ZNF804A: variants seen among roughly 807,000 people sequenced by gnomAD.
ZNF804A encodes zinc finger protein 804A.
Under a neutral mutation model 16.5 loss-of-function variants are expected in ZNF804A, and 2 were observed. The observed-to-expected ratio is 0.12, with a 90% CI of 0.05 to 0.38. The LOEUF (loss-of-function observed/expected upper bound fraction) is 0.38, where lower values mean the gene tolerates loss of function less well. Among genes scored for constraint, ZNF804A ranks in the 10% least tolerant of loss-of-function variants. The pLI, the probability that ZNF804A is intolerant of heterozygous loss-of-function variation, is 0.99. For synonymous variants in ZNF804A, 534 were observed against 489.6 expected, an observed-to-expected ratio of 1.09 and a Z score of -1.20; for missense variants, 1,473 against 1,390.7, an observed-to-expected ratio of 1.06 and a Z score of -0.94.
chr2:184,932,387 G>T (rs1685716262), intron 2 of ZNF804A, among the ~76,000 whole-genome samples: 1 of 152,170 alleles, frequency 6.6e-6, no homozygotes, highest in Non-Finnish European at 1.5e-5. Context: ...TTGGTGGAAG[G>T]CAAAGGAGGA....
intron 1 of ZNF804A, among the ~76,000 whole-genome samples, chr2:184,724,877 T>A (rs1414009055): frequency 2.6e-5 from 4 of 151,710 alleles, no homozygotes; most frequent in Non-Finnish European, 5.9e-5. Context: ...GTGGAAAGGC[T>A]TAGTTAGAGA....
At chr2:184,757,934 A>G (rs1559142993) in intron 1 of ZNF804A, among the ~76,000 whole-genome samples, 1 of 151,994 alleles carries the variant, frequency 6.6e-6, no homozygotes, top group Non-Finnish European at 1.5e-5. Context: ...AAATAGAAAA[A>G]CTTGAGAAAC....
In ZNF804A at chr2:184,897,161, T is replaced by C. The variant is rs146363335; in HGVS notation, c.255+30649T>C. On this transcript the variant is annotated intron_variant, in intron 2 of 3. Transcript: ENST00000302277. ...ACTGGGATTTGCTTAATGATTCTTATGATTAAAATGGGCTATGTTTTGGGG... is the reference window on the plus strand; with the variant it reads ...ACTGGGATTTGCTTAATGATTCTTACGATTAAAATGGGCTATGTTTTGGGG... Among the ~76,000 whole-genome samples, 295 of 152,250 alleles carry C rather than the reference T, an allele frequency of 1.9e-3. 1 individual carries two copies. Among genetic ancestry groups the C allele is most frequent in the African/African-American group, 6.8e-3 (281 of 41,578 alleles).
chr2:184,770,673 A>G (rs1053387915), intron 1 of ZNF804A, among the ~76,000 whole-genome samples: 4 of 152,084 alleles, frequency 2.6e-5, no homozygotes, highest in Non-Finnish European at 5.9e-5. Flanking sequence ...GTAAGATGAC[A>G]TGAAAAATGT....
At chr2:184,823,390 C>T (rs907946223) in intron 1 of ZNF804A, among the ~76,000 whole-genome samples, 1 of 152,050 alleles carries the variant, frequency 6.6e-6, no homozygotes, top group Non-Finnish European at 1.5e-5. Flanking sequence ...ACATTCAAAC[C>T]ATAGCGATCA....
chr2:184,850,282 C>G (rs1695582960), intron 1 of ZNF804A, among the ~76,000 whole-genome samples: 1 of 151,726 alleles, frequency 6.6e-6, no homozygotes, highest in African/African-American at 2.4e-5. Context: ...CTCCAATGAC[C>G]CTGATGTGTT....
chr2:184,829,850 C>A (rs1401604697), intron 1 of ZNF804A, among the ~76,000 whole-genome samples: 4 of 141,950 alleles, frequency 2.8e-5, no homozygotes. Context: ...TTGCTTGAAC[C>A]CAGGAGTTCG....
intron 1 of ZNF804A, among the ~76,000 whole-genome samples, chr2:184,662,694 T>A (rs983701453): frequency 6.6e-6 from 1 of 152,200 alleles, no homozygotes; most frequent in Non-Finnish European, 1.5e-5. Context: ...AGTAAAATAA[T>A]AATTGTACCT....
rs117828782 is a variant in ZNF804A at position 184,892,027 on chromosome 2, A to G, written c.255+25515A>G. ...TTACAAGGAGAAAAACAAAAGACCTATTTGACAGTTTACTACTGAATTCTT... is the reference window on the plus strand; with the variant it reads ...TTACAAGGAGAAAAACAAAAGACCTGTTTGACAGTTTACTACTGAATTCTT... On this transcript the variant is annotated intron_variant, in intron 2 of 3. Coordinates refer to ENST00000302277, the MANE Select transcript of ZNF804A (RefSeq NM_194250.2). 4.2e-4 allele frequency among the ~76,000 whole-genome samples: 64 copies of G among 152,294 alleles called. No individual in the cohort carries two copies. The East Asian group carries it at 0.012, about 28-fold the overall frequency.
chr2:184,646,758 G>A (rs1691882235), intron 1 of ZNF804A, among the ~76,000 whole-genome samples: 1 of 152,226 alleles, frequency 6.6e-6, no homozygotes, highest in Non-Finnish European at 1.5e-5. Context: ...TTGAGGCCAT[G>A]GAGATTTCTC....
At chr2:184,924,318 T>C (rs1395301438) in intron 2 of ZNF804A, among the ~76,000 whole-genome samples, 3 of 151,870 alleles carry the variant, frequency 2.0e-5, no homozygotes, top group South Asian at 2.1e-4. Context: ...TAGGAATTTG[T>C]GCATTTCTTC....
chr2:184,651,131 A>G (rs1691977035), intron 1 of ZNF804A, among the ~76,000 whole-genome samples: 1 of 152,142 alleles, frequency 6.6e-6, no homozygotes. Context: ...GAACACAGAA[A>G]AAAAGCCATA....
chr2:184,916,701 A>T (rs1335062796), intron 2 of ZNF804A, among the ~76,000 whole-genome samples: 1 of 152,102 alleles, frequency 6.6e-6, no homozygotes, highest in Non-Finnish European at 1.5e-5. Context: ...TACAAAAATT[A>T]GCTGGGCATG....
chr2:184,766,300 T>G (rs1222044105), intron 1 of ZNF804A, among the ~76,000 whole-genome samples: 1 of 152,094 alleles, frequency 6.6e-6, no homozygotes, highest in Admixed American at 6.6e-5. Context: ...ATAAGAATAT[T>G]AGTAGATAAG....
chr2:184,618,965 A>G (rs573307076), intron 1 of ZNF804A, among the ~76,000 whole-genome samples: 1 of 152,194 alleles, frequency 6.6e-6, no homozygotes, highest in Non-Finnish European at 1.5e-5. Flanking sequence ...AGAAGATAAA[A>G]AGATCGGGGG....
chr2:184,904,422 G>T (rs1484566669), intron 2 of ZNF804A, among the ~76,000 whole-genome samples: 1 of 151,972 alleles, frequency 6.6e-6, no homozygotes. Flanking sequence ...TAATTTAGAG[G>T]TGCAGATAGA....
At chr2:184,886,334 G>T (rs759416559) in intron 2 of ZNF804A, among the ~76,000 whole-genome samples, 1 of 152,144 alleles carries the variant, frequency 6.6e-6, no homozygotes, top group African/African-American at 2.4e-5. Context: ...GGCTTTGTTG[G>T]GTACAGCCTC....
intron 1 of ZNF804A, among the ~76,000 whole-genome samples, chr2:184,752,976 CG>C (rs1693899148): frequency 6.6e-6 from 1 of 151,132 alleles, no homozygotes. Flanking sequence ...TGGTGAAAAT[CG>C]GGGAAAAGGG....
chr2:184,931,884 G>T (rs1431221433), intron 2 of ZNF804A, among the ~76,000 whole-genome samples: 1 of 152,070 alleles, frequency 6.6e-6, no homozygotes, highest in African/African-American at 2.4e-5. Flanking sequence ...GCTTTCAACA[G>T]CCCCTAACTC....
Sources: allele counts gnomAD v4.1 joint callset (sites outside exome capture counted in the v4.1 genomes callset), GRCh38; gene constraint gnomAD v4.1.1; transcripts MANE v1.5; gene names NCBI Gene and HGNC (gene_info 2026-07-23, HGNC 2026-07-21).